The following KCNIP4 variants were observed in gnomAD, a reference collection of about 807,000 sequenced individuals.
KCNIP4 encodes Kv channel-interacting protein 4.
In KCNIP4, 12 loss-of-function variants were observed where a neutral mutation model predicts 34.0. The observed-to-expected ratio is 0.35, with a 90% CI of 0.23 to 0.57. The LOEUF (loss-of-function observed/expected upper bound fraction) is 0.57, where lower values mean the gene tolerates loss of function less well. Among genes scored for constraint, KCNIP4 ranks in the 20% least tolerant of loss-of-function variants. The probability of loss-of-function intolerance (pLI) is 0.83; values close to 1 mark genes in which losing one functional copy is unlikely to be tolerated. For synonymous variants in KCNIP4, 124 were observed against 102.2 expected (o/e 1.21, Z -1.29); for missense variants, 238 against 311.7 (o/e 0.76, Z 1.78).
intron 1 of KCNIP4, among the ~76,000 whole-genome samples, chr4:21,780,836 T>C (rs565996719): frequency 4.6e-5 from 7 of 152,310 alleles, no homozygotes; most frequent in African/African-American, 1.7e-4. Flanking sequence ...TGGACCATGT[T>C]CCCTCTGAAG....
chr4:20,987,289 A>T lies in KCNIP4; in HGVS notation c.62-104580T>A, dbSNP rs112602273. On this transcript the variant is annotated intron_variant, in intron 1 of 8. Coordinates refer to ENST00000382152, the MANE Select transcript of KCNIP4 (RefSeq NM_025221.6). ...CACGGCTCAACCATTTTACTGCAGT[A>T]ACTTGCTAGCCCCAACCCAGTTTGT... Among the ~76,000 whole-genome samples the T allele has an allele frequency of 1.7e-3, 257 of 152,302 alleles. 4 individuals are homozygous for T. The highest frequency in any genetic ancestry group is 1.7e-3 in the South Asian group (8 of 4,830).
intron 1 of KCNIP4, among the ~76,000 whole-genome samples, chr4:21,065,976 G>T (rs1040363567): frequency 2.0e-5 from 3 of 151,664 alleles, no homozygotes; most frequent in African/African-American, 7.3e-5. Context: ...TATCTTTTAA[G>T]AATATAGAGG....
intron 6 of KCNIP4, among the ~76,000 whole-genome samples, chr4:20,733,010 T>C (rs535987552): frequency 1.2e-4 from 18 of 152,296 alleles, no homozygotes. Context: ...TCTCTTGGTT[T>C]CAAAAGGAAG....
chr4:21,039,535 A>G (rs1020563841), intron 1 of KCNIP4, among the ~76,000 whole-genome samples: 1 of 152,142 alleles, frequency 6.6e-6, no homozygotes, highest in Non-Finnish European at 1.5e-5. Flanking sequence ...TAGGGTGACT[A>G]AAATGTGCCA....
intron 1 of KCNIP4, among the ~76,000 whole-genome samples, chr4:20,969,344 A>G (rs2149674073): frequency 6.6e-6 from 1 of 152,336 alleles, no homozygotes; most frequent in African/African-American, 2.4e-5. Flanking sequence ...AGCCATTAGC[A>G]TTCCAGCCCT....
chr4:21,467,166 G>A (rs1425743514), intron 1 of KCNIP4, among the ~76,000 whole-genome samples: 1 of 151,300 alleles, frequency 6.6e-6, no homozygotes, highest in African/African-American at 2.4e-5. Context: ...TTTCTTCTGG[G>A]TTTTGGAATT....
chr4:21,820,585 C>T (rs1189571803), intron 1 of KCNIP4, among the ~76,000 whole-genome samples: 1 of 150,060 alleles, frequency 6.7e-6, no homozygotes, highest in Non-Finnish European at 1.5e-5. Context: ...CTGCTACCTT[C>T]CTCTGCCATT....
intron 1 of KCNIP4, among the ~76,000 whole-genome samples, chr4:21,785,783 C>T (rs1243450239): frequency 6.6e-6 from 1 of 152,132 alleles, no homozygotes; most frequent in Non-Finnish European, 1.5e-5. Context: ...CATAACAGCA[C>T]TTCATTCTAT....
chr4:21,588,298 C>T (rs1366970880), intron 1 of KCNIP4, among the ~76,000 whole-genome samples: 1 of 151,906 alleles, frequency 6.6e-6, no homozygotes, highest in Admixed American at 6.6e-5. Flanking sequence ...GCTATGGGTG[C>T]TAGGCAATTA....
intron 1 of KCNIP4, among the ~76,000 whole-genome samples, chr4:21,940,366 C>T (rs918367359): frequency 6.6e-6 from 1 of 152,184 alleles, no homozygotes; most frequent in Non-Finnish European, 1.5e-5. Context: ...AGGAACAGCA[C>T]TTATACCAAC....
intron 1 of KCNIP4, among the ~76,000 whole-genome samples, chr4:21,423,082 C>G (rs549234650): frequency 6.6e-6 from 1 of 152,300 alleles, no homozygotes; most frequent in South Asian, 2.1e-4. Flanking sequence ...CACACTTCAT[C>G]TGATATTCTT....
At chr4:21,190,855 C>T (rs1248695295) in intron 1 of KCNIP4, among the ~76,000 whole-genome samples, 1 of 152,180 alleles carries the variant, frequency 6.6e-6, no homozygotes, top group Admixed American at 6.5e-5. Flanking sequence ...TGACACTCTG[C>T]TCCCAGCTTT....
intron 1 of KCNIP4, among the ~76,000 whole-genome samples, chr4:21,063,535 C>T (rs1577622454): frequency 6.6e-6 from 1 of 152,164 alleles, no homozygotes; most frequent in Admixed American, 6.5e-5. Context: ...TGATAAATAC[C>T]ACTGAGCAGA....
intron 1 of KCNIP4, among the ~76,000 whole-genome samples, chr4:21,725,543 T>C (rs1368221165): frequency 6.6e-6 from 1 of 152,190 alleles, no homozygotes; most frequent in Non-Finnish European, 1.5e-5. Context: ...ACATAAGCCT[T>C]CAGCTCTGAG....
intron 1 of KCNIP4, among the ~76,000 whole-genome samples, chr4:21,317,327 T>G (rs562494965): frequency 6.6e-6 from 1 of 152,266 alleles, no homozygotes; most frequent in Non-Finnish European, 1.5e-5. Flanking sequence ...TTTTATTAAC[T>G]AATATGAAGT....
chr4:20,739,139 T>C (rs1477568022), intron 5 of KCNIP4, among the ~76,000 whole-genome samples: 7 of 152,210 alleles, frequency 4.6e-5, no homozygotes, highest in Admixed American at 6.5e-5. Context: ...CCTGCCTCTG[T>C]AGATGCCACC....
At chr4:20,854,783 C>T (rs1721396407) in intron 2 of KCNIP4, among the ~76,000 whole-genome samples, 1 of 152,124 alleles carries the variant, frequency 6.6e-6, no homozygotes, top group Non-Finnish European at 1.5e-5. Context: ...TTCATGGGTA[C>T]ATACTGGATG....
chr4:21,166,709 C>T (rs1037788315), intron 1 of KCNIP4, among the ~76,000 whole-genome samples: 4 of 151,924 alleles, frequency 2.6e-5, no homozygotes, highest in African/African-American at 4.8e-5. Flanking sequence ...GAGGCCAAGG[C>T]GGGCGGATCA....
rs533182566 is a variant in KCNIP4, at chr4:20,804,751, G to A, written c.288+45792C>T. 3.9e-4 allele frequency among the ~76,000 whole-genome samples: 59 copies of A among 152,134 alleles called. 1 individual carries two copies. The South Asian group carries it at 8.7e-3, about 22-fold the overall frequency. ...GAAAAGTAGAAATGTATTTATTTAC[G>A]GAATAAAACAATTAACAAGAAGAGC... On this transcript the variant is annotated intron_variant, in intron 3 of 8. Transcript: ENST00000382152.
Sources: gnomAD v4.1 joint callset for allele counts (sites outside exome capture counted in the v4.1 genomes callset) on GRCh38, gnomAD v4.1.1 for gene constraint, MANE v1.5 for transcripts, NCBI Gene and HGNC (gene_info 2026-07-23, HGNC 2026-07-21) for gene names.